The following CEACAM4 variants were observed in gnomAD, a reference collection of about 807,000 sequenced individuals.
CEACAM4 encodes the protein cell adhesion molecule CEACAM4.
CEACAM4 carries 30 observed loss-of-function variants against 28.7 expected under a neutral mutation model. That is an observed-to-expected ratio of 1.05 (90% confidence interval 0.78 to 1.42). The LOEUF (loss-of-function observed/expected upper bound fraction) is 1.42. Ranked by LOEUF, CEACAM4 falls within the 40% of genes most tolerant of loss-of-function variation. The pLI, the probability that CEACAM4 is intolerant of heterozygous loss-of-function variation, is 0.00. For synonymous variants in CEACAM4, 143 were observed against 126.5 expected (o/e 1.13, Z -0.87); for missense variants, 330 against 308.2 (o/e 1.07, Z -0.53).
chr19:41,617,804 G>C (rs1472378810), downstream of CEACAM4, among the ~76,000 whole-genome samples: 3 of 152,172 alleles, frequency 2.0e-5, no homozygotes, highest in Non-Finnish European at 4.4e-5. Flanking sequence ...TGGGCACTTT[G>C]GTTCAGGTTT....
chr19:41,621,386 C>T (rs1245054329), intron 3 of CEACAM4, among the ~76,000 whole-genome samples: 2 of 152,168 alleles, frequency 1.3e-5, no homozygotes, highest in East Asian at 3.9e-4. Flanking sequence ...CCCTCCCTCC[C>T]TCCCTTCCTC....
At chr19:41,625,289 C>T (rs893861238) in intron 2 of CEACAM4, among the ~76,000 whole-genome samples, 8 of 152,184 alleles carry the variant, frequency 5.3e-5, no homozygotes. Flanking sequence ...TCAGGCCAGG[C>T]CCTGACCCAG....
chr19:41,619,720 G>T lies in CEACAM4; in HGVS notation c.628-9C>A. 1.3e-6 allele frequency: 2 copies of T among 1,561,992 alleles called. No homozygotes were observed. Among genetic ancestry groups the T allele is most frequent in the Non-Finnish European group, 1.7e-6 (2 of 1,153,214 alleles). On this transcript the variant is annotated splice_polypyrimidine_tract_variant and intron_variant, in intron 5 of 6. Coordinates refer to ENST00000221954, the MANE Select transcript of CEACAM4 (RefSeq NM_001817.4). ...GGGCTGGGTAGAGGGGCCTGGGCAGGGGAGAGAGGAGATGTCAGGGGACAG... is the reference window on the plus strand; with the variant it reads ...GGGCTGGGTAGAGGGGCCTGGGCAGTGGAGAGAGGAGATGTCAGGGGACAG...
At position 41,621,691 on chromosome 19, in the gene CEACAM4, C is replaced by A; in HGVS notation, c.502G>T (p.Ala168Ser). ...AGAAGCAGAAAACACACCAGGGCGG[C>A]CACCAGAGCCACCCCAACCAGGACC... ...TGVLVGVALV[A>S]ALVCFLLLSR... The change falls in exon 3 of 7, where the codon GCC (alanine) becomes TCC (serine). Residue 168 changes from alanine to serine, a missense_variant. Transcript: ENST00000221954. 1 of 1,611,942 alleles carries A rather than the reference C, an allele frequency of 6.2e-7. No homozygotes were observed. Among genetic ancestry groups the A allele is most frequent in the Non-Finnish European group, 8.5e-7 (1 of 1,178,104 alleles).
intron 1 of CEACAM4, 101 bp from the exon 2 acceptor site, chr19:41,626,061 GGAGTGTGTGTGTGT>G (rs1375951414): frequency 3.4e-5 from 24 of 700,116 alleles, no homozygotes; most frequent in Non-Finnish European, 4.2e-5. Flanking sequence ...CCTCAGCCTT[GGAGTGTGTGTGTGT>G]GTGTGTGTGT....
chr19:41,619,521 G>A (rs781966290), intron 6 of CEACAM4, 126 bp from the exon 7 acceptor site: 1 of 1,553,624 alleles, frequency 6.4e-7, no homozygotes, highest in African/African-American at 1.4e-5. Flanking sequence ...GGGGGTCCCT[G>A]TTCCCAGGCC....
downstream of CEACAM4, among the ~76,000 whole-genome samples, chr19:41,617,959 C>A (rs1198826473): frequency 6.6e-6 from 1 of 152,162 alleles, no homozygotes; most frequent in Non-Finnish European, 1.5e-5. Flanking sequence ...ATAAAACAAC[C>A]CATTGCGGGT....
intron 2 of CEACAM4, among the ~76,000 whole-genome samples, chr19:41,622,927 C>G (rs782527256): frequency 6.6e-6 from 1 of 152,046 alleles, no homozygotes; most frequent in African/African-American, 2.4e-5. Flanking sequence ...TCTTTCTTAG[C>G]CTGTCCATCT....
chr19:41,624,277 G>A (rs545290524), intron 2 of CEACAM4, among the ~76,000 whole-genome samples: 1 of 152,304 alleles, frequency 6.6e-6, no homozygotes, highest in Non-Finnish European at 1.5e-5. Flanking sequence ...CTTCATGAGA[G>A]AACTACGGAG....
chr19:41,625,164 T>C (rs1347670857), intron 2 of CEACAM4, among the ~76,000 whole-genome samples: 1 of 152,134 alleles, frequency 6.6e-6, no homozygotes, highest in East Asian at 1.9e-4. Flanking sequence ...GGTAAATCCT[T>C]GCTCCCAGTA....
intron 2 of CEACAM4, among the ~76,000 whole-genome samples, chr19:41,624,136 A>G (rs782175177): frequency 2.6e-5 from 4 of 151,892 alleles, no homozygotes; most frequent in Non-Finnish European, 5.9e-5. Flanking sequence ...CCTACATTCA[A>G]TCCCTCCCTC....
At chr19:41,621,838 A>G in intron 2 of CEACAM4, 70 bp from the exon 3 acceptor site, 1 of 854,204 alleles carries the variant, frequency 1.2e-6, no homozygotes, top group South Asian at 1.5e-5. Context: ...GAGGCATTGC[A>G]GGGCAGGGGC....
At chr19:41,621,579 G>A in intron 3 of CEACAM4, 72 bp downstream of exon 3, 1 of 789,144 alleles carries the variant, frequency 1.3e-6, no homozygotes, top group Non-Finnish European at 2.2e-6. Flanking sequence ...CCTGAATACA[G>A]GGCGGGGTCT....
intron 4 of CEACAM4, 124 bp from the exon 5 acceptor site, chr19:41,620,366 C>T (rs890572368): frequency 1.0e-6 from 1 of 975,994 alleles, no homozygotes; most frequent in Non-Finnish European, 1.5e-6. Context: ...CAGGGGAGAC[C>T]TGAGCAGCTG....
At chr19:41,617,356 T>A (rs977796236), downstream of CEACAM4, among the ~76,000 whole-genome samples, 26 of 152,184 alleles carry the variant, frequency 1.7e-4, no homozygotes, top group Non-Finnish European at 4.4e-5. Context: ...GACGCCACAG[T>A]CATGATGAAC....
At chr19:41,623,811 T>C (rs2071467979) in intron 2 of CEACAM4, among the ~76,000 whole-genome samples, 1 of 152,146 alleles carries the variant, frequency 6.6e-6, no homozygotes, top group Admixed American at 6.6e-5. Context: ...TTTAAATATT[T>C]ACTTTTTTTC....
chr19:41,620,652 G>A (rs118165977), intron 3 of CEACAM4, 25 bp from the exon 4 acceptor site: 45,666 of 1,604,592 alleles, frequency 0.028, 969 homozygotes, highest in Admixed American at 0.096. Context: ...GATTATTCAT[G>A]AGGGTGCAGG....
chr19:41,626,423 G>A (rs1555804217), intron 1 of CEACAM4, among the ~76,000 whole-genome samples: 1 of 152,158 alleles, frequency 6.6e-6, no homozygotes, highest in African/African-American at 2.4e-5. Context: ...GCTCTGTGAG[G>A]GCGGGGACTT....
intron 2 of CEACAM4, among the ~76,000 whole-genome samples, chr19:41,623,782 A>G (rs1370045522): frequency 6.6e-6 from 1 of 152,110 alleles, no homozygotes; most frequent in Non-Finnish European, 1.5e-5. Flanking sequence ...GCTAAGAAGA[A>G]CAGATGCTCT....
Sources: allele counts gnomAD v4.1 joint callset (sites outside exome capture counted in the v4.1 genomes callset), GRCh38; gene constraint gnomAD v4.1.1; transcripts MANE v1.5; gene names NCBI Gene and HGNC (gene_info 2026-07-23, HGNC 2026-07-21).